Variants in DYDC2 observed in about 807,000 individuals in gnomAD.
DYDC2 encodes DPY30 domain containing 2, also known as DPY30 domain-containing protein 2.
A neutral mutation model predicts 18.7 loss-of-function variants in DYDC2; 19 were observed. The observed-to-expected ratio is 1.02, with a 90% CI of 0.71 to 1.49. The LOEUF (loss-of-function observed/expected upper bound fraction) is 1.49. DYDC2 is among the 40% of genes most tolerant of loss of function. The probability of loss-of-function intolerance (pLI) is 0.00; values close to 1 mark genes in which losing one functional copy is unlikely to be tolerated. For missense variants in DYDC2, 179 were observed against 205.1 expected, an observed-to-expected ratio of 0.87 and a Z score of 0.78; for synonymous variants, 63 against 67.6, an observed-to-expected ratio of 0.93 and a Z score of 0.34.
chr10:80,347,081 G>T (rs572194887), intron 1 of DYDC2, among the ~76,000 whole-genome samples: 2 of 146,912 alleles, frequency 1.4e-5, no homozygotes, highest in Non-Finnish European at 3.0e-5. Context: ...CTCTGTGTCC[G>T]AAAAAGAAAA....
At chr10:80,356,457 AGT>A (rs1390950857), upstream of DYDC2, 27 of 985,182 alleles carry the variant, frequency 2.7e-5, no homozygotes, top group Non-Finnish European at 3.3e-5. Context: ...CGGGGCGCTC[AGT>A]GTGGTTTTCC....
upstream of DYDC2, chr10:80,352,817 G>A: frequency 1.5e-5 from 7 of 466,168 alleles, no homozygotes; most frequent in Non-Finnish European, 2.4e-5. Flanking sequence ...AACTAACATG[G>A]TTTCAAAATC....
At position 80,367,036 on chromosome 10, in the gene DYDC2, C is replaced by A; in HGVS notation, c.*85C>A. The A allele has an allele frequency of 6.6e-7, 1 of 1,505,448 alleles. No homozygotes were observed. 93.3% of individuals were successfully genotyped at this position (1,505,448 alleles called of 1,614,324 possible). A position where few individuals can be genotyped will look rare whatever the true frequency, so the allele number is the denominator to read the frequency against. On this transcript the variant is annotated 3_prime_UTR_variant, in exon 5 of 5. Transcript: ENST00000256039. ...CCAGCTAGAACCAAGATTTAAGGGG[C>A]TGTAAAAGGCAAGTTCAGGGACTCT...
chr10:80,356,939 G>C (rs1380099607), intron 1 of DYDC2, 114 bp downstream of exon 1: 1 of 815,438 alleles, frequency 1.2e-6, no homozygotes, highest in Non-Finnish European at 1.5e-6. Flanking sequence ...AGTAGAGGGG[G>C]CGCGGCAGAG....
upstream of DYDC2, chr10:80,352,681 G>A: frequency 5.4e-6 from 8 of 1,494,164 alleles, no homozygotes; most frequent in Non-Finnish European, 6.2e-6. Flanking sequence ...AAAGTCCAGT[G>A]AGGTGAACAA....
intron 4 of DYDC2, 135 bp from the exon 5 acceptor site, chr10:80,366,553 G>T: frequency 9.3e-7 from 1 of 1,072,658 alleles, no homozygotes; most frequent in Non-Finnish European, 1.3e-6. Flanking sequence ...TTGGTTTTAT[G>T]CTTTGTTAAA....
Position 80,357,877 on chromosome 10 carries a change from C to T in DYDC2, c.-162-16C>T, listed in dbSNP as rs1843484323. 1.0e-6 allele frequency: 1 copy of T among 985,388 alleles called. No homozygotes were observed. The highest frequency in any genetic ancestry group is 1.2e-6 in the Non-Finnish European group (1 of 829,924). The allele number at this position is 985,388 out of a possible 1,614,324, so 61.0% of individuals were successfully genotyped here. A position where few individuals can be genotyped will look rare whatever the true frequency, so the allele number is the denominator to read the frequency against. On this transcript the variant is annotated splice_polypyrimidine_tract_variant and intron_variant, in intron 1 of 4. Transcript: ENST00000256039. ...GGCAGAACTCTCTCAATGAATAAGT[C>T]AAGAAATATTTACAGAGCTCCCAGT...
exon 1 of DYDC2, chr10:80,344,763 A>G: frequency 3.1e-6 from 1 of 326,696 alleles, no homozygotes; most frequent in Non-Finnish European, 5.9e-6. Flanking sequence ...CCATGTAAGA[A>G]GTGCCTTTCG....
intron 2 of DYDC2, among the ~76,000 whole-genome samples, chr10:80,360,117 A>G (rs559625966): frequency 6.6e-6 from 1 of 152,200 alleles, no homozygotes; most frequent in Non-Finnish European, 1.5e-5. Context: ...TTGTTTATCC[A>G]AATGCATTGG....
At chr10:80,351,987 C>T, upstream of DYDC2, 7 of 1,614,050 alleles carry the variant, frequency 4.3e-6, no homozygotes, top group Non-Finnish European at 5.9e-6. Flanking sequence ...TCCAGCTTGG[C>T]CATTTCCTTT....
intron 2 of DYDC2, among the ~76,000 whole-genome samples, chr10:80,358,371 C>G (rs1332310447): frequency 1.3e-5 from 2 of 151,956 alleles, no homozygotes; most frequent in Non-Finnish European, 2.9e-5. Context: ...GACCAAGGCT[C>G]TCTCTTAAAA....
intron 1 of DYDC2, among the ~76,000 whole-genome samples, chr10:80,347,568 G>A (rs1842745954): frequency 6.6e-6 from 1 of 151,938 alleles, no homozygotes. Context: ...TTTTCTTCCG[G>A]GAGTTTTACA....
At chr10:80,363,979 C>T (rs1843747848) in intron 4 of DYDC2, among the ~76,000 whole-genome samples, 1 of 152,170 alleles carries the variant, frequency 6.6e-6, no homozygotes, top group African/African-American at 2.4e-5. Context: ...CTGAAAAACG[C>T]CTTATGCTAT....
chr10:80,358,727 A>G (rs1413690298), intron 2 of DYDC2, among the ~76,000 whole-genome samples: 1 of 152,148 alleles, frequency 6.6e-6, no homozygotes, highest in Non-Finnish European at 1.5e-5. Flanking sequence ...GTGGGACCTG[A>G]GATTCTGCAT....
At chr10:80,362,825 C>T in intron 3 of DYDC2, 126 bp from the exon 4 acceptor site, 1 of 1,339,128 alleles carries the variant, frequency 7.5e-7, no homozygotes, top group Non-Finnish European at 1.0e-6. Context: ...CAGGCTAAAG[C>T]TAGTTACAAG....
At chr10:80,352,124 C>T, upstream of DYDC2, 1 of 865,078 alleles carries the variant, frequency 1.2e-6, no homozygotes, top group Non-Finnish European at 1.8e-6. Context: ...TAGCCCATCC[C>T]TGTGGAAATG....
chr10:80,354,506 A>G (rs953319841), upstream of DYDC2: 11 of 151,006 alleles, frequency 7.3e-5, no homozygotes, highest in Non-Finnish European at 1.6e-4. Context: ...AAAAAAAAAA[A>G]GAATACCTAT....
chr10:80,353,590 G>A (rs186947156), upstream of DYDC2, among the ~76,000 whole-genome samples: 44 of 150,218 alleles, frequency 2.9e-4, no homozygotes, highest in African/African-American at 1.0e-3. Context: ...AGTGGCTCAC[G>A]CCTGTAATCA....
chr10:80,351,280 G>A (rs959887597), intron 1 of DYDC2, among the ~76,000 whole-genome samples: 1 of 152,004 alleles, frequency 6.6e-6, no homozygotes, highest in African/African-American at 2.4e-5. Context: ...CCTTCTCCCT[G>A]CCCAACCTAT....
Sources: gnomAD v4.1 joint callset for allele counts (sites outside exome capture counted in the v4.1 genomes callset) on GRCh38, gnomAD v4.1.1 for gene constraint, MANE v1.5 for transcripts, NCBI Gene and HGNC (gene_info 2026-07-23, HGNC 2026-07-21) for gene names.